Variants in NRG3 observed in about 807,000 individuals in gnomAD.
NRG3 encodes the protein pro-neuregulin-3, membrane-bound isoform.
Under a neutral mutation model 66.9 loss-of-function variants are expected in NRG3, and 31 were observed. That is an observed-to-expected ratio of 0.46 (90% CI 0.35 to 0.63). The LOEUF is 0.63. Among genes scored for constraint, NRG3 ranks in the 20% least tolerant of loss-of-function variants. The pLI is 0.00. For synonymous variants in NRG3, 393 were observed against 359.4 expected (o/e 1.09, Z -1.06); for missense variants, 910 against 878.9 (o/e 1.04, Z -0.45).
intron 2 of NRG3, among the ~76,000 whole-genome samples, chr10:82,650,118 A>G (rs888691172): frequency 6.6e-6 from 1 of 152,160 alleles, no homozygotes; most frequent in Non-Finnish European, 1.5e-5. Flanking sequence ...AACCTAAACA[A>G]CCAAACAAAC....
At chr10:82,486,633 C>T (rs1236135767) in intron 2 of NRG3, among the ~76,000 whole-genome samples, 2 of 151,934 alleles carry the variant, frequency 1.3e-5, no homozygotes, top group Admixed American at 6.6e-5. Context: ...AGGCTGGTCT[C>T]GAACTCCTGA....
chr10:82,875,987 A>G (rs573282249), intron 4 of NRG3, among the ~76,000 whole-genome samples: 1 of 152,352 alleles, frequency 6.6e-6, no homozygotes, highest in South Asian at 2.1e-4. Context: ...AAATGATACA[A>G]CCAAAAGATG....
At chr10:82,700,158 A>G (rs1268103112) in intron 2 of NRG3, among the ~76,000 whole-genome samples, 1 of 152,194 alleles carries the variant, frequency 6.6e-6, no homozygotes, top group South Asian at 2.1e-4. Flanking sequence ...TATTTTGATC[A>G]AAGTCTTAAG....
chr10:81,940,464 G>C (rs1848311693), intron 1 of NRG3, among the ~76,000 whole-genome samples: 1 of 152,000 alleles, frequency 6.6e-6, no homozygotes, highest in Non-Finnish European at 1.5e-5. Context: ...TCCTGCCTTA[G>C]CCTCCTAGGT....
chr10:82,682,477 G>C (rs1383866736), intron 2 of NRG3, among the ~76,000 whole-genome samples: 1 of 152,108 alleles, frequency 6.6e-6, no homozygotes, highest in Non-Finnish European at 1.5e-5. Context: ...GTATTTATCT[G>C]GTGATGGGAA....
intron 2 of NRG3, among the ~76,000 whole-genome samples, chr10:82,470,559 G>T (rs113731396): frequency 6.6e-6 from 1 of 152,176 alleles, no homozygotes; most frequent in Non-Finnish European, 1.5e-5. Context: ...AATAGAGTTC[G>T]TCAGAGGCCC....
intron 1 of NRG3, among the ~76,000 whole-genome samples, chr10:82,244,201 C>T (rs138399024): frequency 2.0e-4 from 31 of 152,110 alleles, no homozygotes; most frequent in African/African-American, 5.8e-4. Context: ...CAATAGCATT[C>T]GTGCTGTTCA....
At chr10:81,960,622 A>G (rs1285367971) in intron 1 of NRG3, among the ~76,000 whole-genome samples, 1 of 151,600 alleles carries the variant, frequency 6.6e-6, no homozygotes, top group Non-Finnish European at 1.5e-5. Flanking sequence ...ATTAGAACAA[A>G]CTAATTCTGG....
At chr10:82,470,833 AGCTT>A (rs1421454993) in intron 2 of NRG3, among the ~76,000 whole-genome samples, 3 of 152,078 alleles carry the variant, frequency 2.0e-5, no homozygotes, top group Non-Finnish European at 4.4e-5. Flanking sequence ...TTGAAGTGAG[AGCTT>A]CCAACCCTGC....
chr10:82,041,564 CA>C (rs2063036320), intron 1 of NRG3, among the ~76,000 whole-genome samples: 1 of 151,992 alleles, frequency 6.6e-6, no homozygotes, highest in South Asian at 2.1e-4. Context: ...TTGTAAGCTA[CA>C]AAGTCTCCAA....
At chr10:82,097,410 AT>A (rs1168773674) in intron 1 of NRG3, among the ~76,000 whole-genome samples, 3 of 97,174 alleles carry the variant, frequency 3.1e-5, no homozygotes, top group African/African-American at 1.4e-4. Context: ...CCAGATACAT[AT>A]ATATATATCT....
chr10:82,716,193 C>T (rs796252605), intron 2 of NRG3, among the ~76,000 whole-genome samples: 102 of 152,064 alleles, frequency 6.7e-4, no homozygotes, highest in African/African-American at 1.5e-3. Flanking sequence ...TAGAAAACAA[C>T]GACACGAAGA....
intron 2 of NRG3, among the ~76,000 whole-genome samples, chr10:82,470,405 T>G (rs552477990): frequency 6.6e-6 from 1 of 152,314 alleles, no homozygotes; most frequent in Admixed American, 6.5e-5. Context: ...ATTATAAGGA[T>G]AATATGAGAC....
intron 1 of NRG3, among the ~76,000 whole-genome samples, chr10:82,137,870 A>C (rs888045642): frequency 6.6e-6 from 1 of 152,146 alleles, no homozygotes; most frequent in Admixed American, 6.6e-5. Context: ...TTTCACTCTA[A>C]AACTGAATGC....
chr10:81,952,441 G>A (rs1052014151), intron 1 of NRG3, among the ~76,000 whole-genome samples: 2 of 152,070 alleles, frequency 1.3e-5, no homozygotes, highest in African/African-American at 4.8e-5. Context: ...CGGCAGGGGG[G>A]TGCGGAGAGA....
At chr10:82,544,121 A>C (rs910108984) in intron 2 of NRG3, among the ~76,000 whole-genome samples, 1 of 152,194 alleles carries the variant, frequency 6.6e-6, no homozygotes, top group Admixed American at 6.5e-5. Context: ...TAATTTCATT[A>C]GGTGGTTTAA....
chr10:82,102,339 T>C (rs2066812402), intron 1 of NRG3, among the ~76,000 whole-genome samples: 1 of 150,778 alleles, frequency 6.6e-6, no homozygotes, highest in Non-Finnish European at 1.5e-5. Flanking sequence ...ACTTTTAGCC[T>C]GTCCATGTTA....
intron 1 of NRG3, among the ~76,000 whole-genome samples, chr10:82,336,605 T>G (rs986931395): frequency 1.3e-5 from 2 of 151,598 alleles, no homozygotes; most frequent in Non-Finnish European, 2.9e-5. Context: ...TCACTGCAAC[T>G]TCTGCCTCCC....
rs1324633534 is a variant in NRG3, at chr10:81,876,107, C to T, written c.767C>T (p.Ser256Phe). Residue 256 changes from serine (S) to phenylalanine (F), a missense_variant, in exon 1 of 9, where the codon TCT becomes TTT. Ser to Phe is a radical substitution (Grantham distance 155). Transcript: ENST00000372141. ...CAGGATGCTGCCTCCTCTTCTTCCT[C>T]TTCTTCCTCCTCCGCTACCACCACC... is the stretch of plus-strand genomic sequence containing the variant. ...PFQDAASSSS[S>F]SSSSATTTTP... 1.2e-6 allele frequency: 2 copies of T among 1,611,154 alleles called. No homozygotes were observed. The highest frequency in any genetic ancestry group is 1.7e-6 in the Non-Finnish European group (2 of 1,178,892).
Sources: gnomAD v4.1 joint callset for allele counts (sites outside exome capture counted in the v4.1 genomes callset) on GRCh38, gnomAD v4.1.1 for gene constraint, MANE v1.5 for transcripts, NCBI Gene and HGNC (gene_info 2026-07-23, HGNC 2026-07-21) for gene names.